SCN11A: variants seen among roughly 807,000 people sequenced by gnomAD.
SCN11A encodes the protein sodium channel protein type 11 subunit alpha.
Under a neutral mutation model 162.2 loss-of-function variants are expected in SCN11A, and 122 were observed. The observed-to-expected ratio is 0.75, with a 90% CI of 0.65 to 0.87. The LOEUF (loss-of-function observed/expected upper bound fraction) is 0.87. SCN11A is among the 40% of genes least tolerant of loss of function. The pLI is 0.00. For missense variants in SCN11A, 2,015 were observed against 2,181.6 expected (o/e 0.92, Z 1.52); for synonymous variants, 758 against 751.5 (o/e 1.01, Z -0.14).
intron 26 of SCN11A, among the ~76,000 whole-genome samples, chr3:38,869,449 A>G (rs2065090938): frequency 6.6e-6 from 1 of 152,166 alleles, no homozygotes; most frequent in Non-Finnish European, 1.5e-5. Context: ...TAAATATTAC[A>G]ATGTAAACTA....
intron 23 of SCN11A, among the ~76,000 whole-genome samples, chr3:38,877,023 ATATATATGGTATATATATGGTGTATATAC>A (rs1393595344): frequency 2.2e-5 from 1 of 46,442 alleles, no homozygotes; most frequent in African/African-American, 8.6e-5. Flanking sequence ...CATATGGTGT[ATATATATGGTATATATATGGTGTATATAC>A]TATATATATG....
At chr3:39,043,264 C>CA in intron 1 of SCN11A, among the ~76,000 whole-genome samples, 1 of 152,114 alleles carries the variant, frequency 6.6e-6, no homozygotes, top group East Asian at 1.9e-4. Context: ...TTAGCAGTCT[C>CA]AAAAAACTAA....
At chr3:38,935,629 GA>G (rs2066318792) in intron 7 of SCN11A, among the ~76,000 whole-genome samples, 1 of 152,328 alleles carries the variant, frequency 6.6e-6, no homozygotes, top group Admixed American at 6.5e-5. Flanking sequence ...AAATCTAGAA[GA>G]AATGGATAAA....
intron 7 of SCN11A, among the ~76,000 whole-genome samples, chr3:38,927,798 T>G (rs2066167607): frequency 6.6e-6 from 1 of 152,126 alleles, no homozygotes. Flanking sequence ...GAGAATAGCA[T>G]GGGGGAAACC....
chr3:39,020,805 G>A (rs766878078), intron 2 of SCN11A, among the ~76,000 whole-genome samples: 4 of 152,106 alleles, frequency 2.6e-5, no homozygotes, highest in Non-Finnish European at 4.4e-5. Context: ...GATTGTCCTA[G>A]CAAATGCACT....
At chr3:38,892,897 G>T (rs2065523351) in intron 19 of SCN11A, among the ~76,000 whole-genome samples, 1 of 151,940 alleles carries the variant, frequency 6.6e-6, no homozygotes, top group Non-Finnish European at 1.5e-5. Flanking sequence ...TTATTAAAAT[G>T]TTATACTAGA....
Position 39,038,440 on chromosome 3 carries a change from A to G in SCN11A, c.-403-5937T>C, listed in dbSNP as rs75627673. 3.8e-3 allele frequency among the ~76,000 whole-genome samples: 584 copies of G among 152,394 alleles called. 5 individuals are homozygous for G. The highest frequency in any genetic ancestry group is 0.013 in the African/African-American group (557 of 41,602). The stretch of plus-strand genomic sequence containing the variant: ...AAAGAGGGCTCAGATGATAAACAGC[A>G]GAAAATAAAACCACAAAAATGTCAA... On this transcript the variant is annotated intron_variant, in intron 1 of 29. Coordinates refer to ENST00000302328, the MANE Select transcript of SCN11A (RefSeq NM_001349253.2).
chr3:39,012,207 C>A (rs2031160355), intron 2 of SCN11A, among the ~76,000 whole-genome samples: 1 of 152,046 alleles, frequency 6.6e-6, no homozygotes, highest in African/African-American at 2.4e-5. Flanking sequence ...TGCCTGTAAT[C>A]CCAGCTACTT....
At chr3:38,867,209 G>T in intron 27 of SCN11A, 112 bp downstream of exon 27, 1 of 995,926 alleles carries the variant, frequency 1.0e-6, no homozygotes, top group Non-Finnish European at 1.5e-6. Flanking sequence ...CCTTGTTATT[G>T]TGCAGATCAT....
At chr3:38,932,840 G>A (rs1327630955) in intron 7 of SCN11A, among the ~76,000 whole-genome samples, 4 of 152,198 alleles carry the variant, frequency 2.6e-5, no homozygotes, top group African/African-American at 7.2e-5. Flanking sequence ...AGACTTAGAT[G>A]TCCCTGTCTG....
In SCN11A at chr3:38,847,329, TG is replaced by T. The variant is rs762319868; in HGVS notation, c.4740del (p.Thr1581HisfsTer22). The T allele has an allele frequency of 9.9e-6, 16 of 1,614,108 alleles. No individual in the cohort carries two copies. On this transcript the variant is annotated frameshift_variant, in exon 30 of 30. Transcript: ENST00000302328. LOFTEE classifies it low-confidence loss of function (END_TRUNC). ...SSENCHLPGIATSYFVSYIII... is the reference protein window; with the variant it reads ...SSENCHLPGIXTSYFVSYIII... ...ATAATGTAACTGACAAAGTAGGATG[TG>T]GCTATGCCAGGGAGGTGGCAGTTTT...
intron 2 of SCN11A, among the ~76,000 whole-genome samples, chr3:38,998,247 G>A (rs943085296): frequency 6.6e-6 from 1 of 152,188 alleles, no homozygotes; most frequent in Non-Finnish European, 1.5e-5. Context: ...GAAGTCCAGA[G>A]GGCAGCTTTT....
chr3:38,960,079 G>A (rs1473553461), intron 3 of SCN11A, among the ~76,000 whole-genome samples: 2 of 152,000 alleles, frequency 1.3e-5, no homozygotes, highest in African/African-American at 4.8e-5. Flanking sequence ...ACCTCTCAGT[G>A]TATTTGACAG....
In SCN11A at chr3:39,001,119, A is replaced by AT. The variant is rs199679251; in HGVS notation, c.-280+31260dup. Among the ~76,000 whole-genome samples, 1,019 of 152,332 alleles carry AT rather than the reference A, an allele frequency of 6.7e-3. 10 individuals carry two copies. Among genetic ancestry groups the AT allele is most frequent in the Non-Finnish European group, 0.011 (779 of 68,018 alleles). ...AAGGTTACATTAACCTCCTAAACTC[A>AT]TTTTTTTAGTGAGGTAAAATTCACC... On this transcript the variant is annotated intron_variant, in intron 2 of 29. Transcript: ENST00000302328.
intron 1 of SCN11A, among the ~76,000 whole-genome samples, chr3:39,043,755 A>T (rs2032115527): frequency 6.6e-6 from 1 of 152,194 alleles, no homozygotes; most frequent in Non-Finnish European, 1.5e-5. Flanking sequence ...TAAATAAGAC[A>T]GTATTTCATA....
intron 19 of SCN11A, among the ~76,000 whole-genome samples, chr3:38,891,795 A>C (rs1319586480): frequency 2.0e-5 from 3 of 152,194 alleles, no homozygotes; most frequent in Non-Finnish European, 4.4e-5. Flanking sequence ...TAATCCATTC[A>C]TGAGACCAGA....
chr3:38,894,898 C>G lies in SCN11A; in HGVS notation c.2470G>C (p.Glu824Gln). The G allele has an allele frequency of 6.2e-7, 1 of 1,614,156 alleles. No individual in the cohort carries two copies. The highest frequency in any genetic ancestry group is 8.5e-7 in the Non-Finnish European group (1 of 1,180,002). The change falls in exon 19 of 30, where the codon GAA (glutamate) becomes CAA (glutamine). Residue 824 changes from glutamate (E) to glutamine (Q), a missense_variant. Physicochemically the swap from Glu to Gln is conservative, Grantham distance 29. Coordinates refer to ENST00000302328, the MANE Select transcript of SCN11A (RefSeq NM_001349253.2). ...ACTTTAGTTTTCCTGGCCTCTCCTT[C>G]TAAGTTTCCATTTCTTTCCTCATTG... ...FSNEERNGNL[E>Q]GEARKTKVQL...
chr3:38,935,789 G>A (rs978300378), intron 7 of SCN11A, among the ~76,000 whole-genome samples: 2 of 152,160 alleles, frequency 1.3e-5, no homozygotes, highest in African/African-American at 4.8e-5. Flanking sequence ...TCTACCAGAG[G>A]TACAAGGAGG....
At chr3:38,884,936 G>A (rs574868569) in intron 21 of SCN11A, among the ~76,000 whole-genome samples, 1 of 152,332 alleles carries the variant, frequency 6.6e-6, no homozygotes, top group Admixed American at 6.5e-5. Flanking sequence ...TGACTACAAT[G>A]TCTAAACTCT....
Sources: gnomAD v4.1 joint callset for allele counts (sites outside exome capture counted in the v4.1 genomes callset) on GRCh38, gnomAD v4.1.1 for gene constraint, MANE v1.5 for transcripts, NCBI Gene and HGNC (gene_info 2026-07-23, HGNC 2026-07-21) for gene names.